Variants in CLEC2D observed in about 807,000 individuals in gnomAD.
CLEC2D encodes the protein C-type lectin related f.
Under a neutral mutation model 20.0 loss-of-function variants are expected in CLEC2D, and 16 were observed. That is an observed-to-expected ratio of 0.80 (90% confidence interval 0.54 to 1.22). CLEC2D has a LOEUF of 1.22. Ranked by LOEUF, CLEC2D falls within the 50% of genes most tolerant of loss-of-function variation. CLEC2D has a pLI of 0.00. For missense variants in CLEC2D, 207 were observed against 221.5 expected (o/e 0.93, Z 0.42); for synonymous variants, 77 against 71.1 (o/e 1.08, Z -0.42).
chr12:9,675,060 A>G (rs1243572240), intron 1 of CLEC2D, among the ~76,000 whole-genome samples: 1 of 152,196 alleles, frequency 6.6e-6, no homozygotes, highest in Non-Finnish European at 1.5e-5. Context: ...TTAGTTGAAA[A>G]GACTGTCTTT....
intron 1 of CLEC2D, among the ~76,000 whole-genome samples, chr12:9,675,839 A>C (rs1389803744): frequency 6.6e-6 from 1 of 152,200 alleles, no homozygotes; most frequent in South Asian, 2.1e-4. Context: ...TTTTCCACAT[A>C]TAGATTTTGT....
At chr12:9,686,301 T>C (rs1411177766) in intron 2 of CLEC2D, among the ~76,000 whole-genome samples, 1 of 152,028 alleles carries the variant, frequency 6.6e-6, no homozygotes, top group East Asian at 1.9e-4. Context: ...ATCAGCCATC[T>C]TGCCCTCTCT....
At chr12:9,680,120 G>A (rs1177062882) in intron 1 of CLEC2D, 4 of 181,868 alleles carry the variant, frequency 2.2e-5, no homozygotes, top group East Asian at 3.2e-4. Flanking sequence ...CCCTCGTGCT[G>A]TTCTTGTGAT....
chr12:9,684,458 C>G (rs1413048678), intron 2 of CLEC2D, among the ~76,000 whole-genome samples: 1 of 152,154 alleles, frequency 6.6e-6, no homozygotes, highest in East Asian at 1.9e-4. Context: ...TGCCTTGTGC[C>G]AGTTTACAAA....
intron 1 of CLEC2D, among the ~76,000 whole-genome samples, chr12:9,678,879 T>G (rs1380584619): frequency 6.6e-6 from 1 of 152,186 alleles, no homozygotes; most frequent in East Asian, 1.9e-4. Context: ...AGTTTTTAAC[T>G]TAGCATTTAT....
chr12:9,690,285 G>A (rs1865836336), intron 3 of CLEC2D, among the ~76,000 whole-genome samples: 1 of 151,964 alleles, frequency 6.6e-6, no homozygotes. Flanking sequence ...AAGAATGAAG[G>A]AAAAAGTAAC....
chr12:9,671,382 G>A (rs779189914), intron 1 of CLEC2D, among the ~76,000 whole-genome samples: 5 of 152,194 alleles, frequency 3.3e-5, no homozygotes, highest in South Asian at 2.1e-4. Flanking sequence ...CACCACGCCC[G>A]GCTACTTTTT....
chr12:9,674,742 A>G (rs1475102031), intron 1 of CLEC2D, among the ~76,000 whole-genome samples: 2 of 152,324 alleles, frequency 1.3e-5, no homozygotes, highest in Non-Finnish European at 1.5e-5. Flanking sequence ...CTCAAAAGAC[A>G]TATGATATTA....
In CLEC2D at chr12:9,695,536, G is replaced by A. The variant is rs1218948728; in HGVS notation, c.*662G>A. On this transcript the variant is annotated 3_prime_UTR_variant, in exon 5 of 5. Transcript: ENST00000290855. ...TTTAAGAACGGTCAGCTCAGGGGCT[G>A]GTGCAAAGGATGAACTGCACATTGT... 1.6e-6 allele frequency: 2 copies of A among 1,272,618 alleles called. No individual in the cohort carries two copies. The highest frequency in any genetic ancestry group is 2.3e-6 in the Non-Finnish European group (2 of 885,022). The allele number at this position is 1,272,618 out of a possible 1,614,324, so 78.8% of individuals were successfully genotyped here.
chr12:9,672,392 T>C (rs11052311), intron 1 of CLEC2D, among the ~76,000 whole-genome samples: 9,538 of 152,292 alleles, frequency 0.063, 332 homozygotes, highest in Non-Finnish European at 0.084. Context: ...TCACCAGCAG[T>C]ACATTTATTA....
chr12:9,681,332 C>T lies in CLEC2D; in HGVS notation c.172+299C>T, dbSNP rs1865631160. Among the ~76,000 whole-genome samples, 9 of 151,962 alleles carry T rather than the reference C, an allele frequency of 5.9e-5. No homozygotes were observed. The South Asian group carries it at 1.0e-3, about 17-fold the overall frequency. On this transcript the variant is annotated intron_variant, in intron 2 of 4. Coordinates refer to ENST00000290855, the MANE Select transcript of CLEC2D (RefSeq NM_013269.6). Reference sequence around the variant, plus strand: ...GTAAACTGAAAAATAGTCTCTTGTCCGATCTAGGAACATGGTTAATTTTAC... The same window carrying T: ...GTAAACTGAAAAATAGTCTCTTGTCTGATCTAGGAACATGGTTAATTTTAC...
At chr12:9,673,252 G>A (rs1044071947) in intron 1 of CLEC2D, among the ~76,000 whole-genome samples, 2 of 152,186 alleles carry the variant, frequency 1.3e-5, no homozygotes, top group Admixed American at 6.5e-5. Flanking sequence ...GGTTTTTGTG[G>A]AGTCTTTTTT....
intron 3 of CLEC2D, among the ~76,000 whole-genome samples, chr12:9,689,167 C>G (rs1369146716): frequency 6.6e-6 from 1 of 152,120 alleles, no homozygotes; most frequent in Non-Finnish European, 1.5e-5. Flanking sequence ...AGTGGCTTCC[C>G]AAGGATTTAA....
chr12:9,689,672 G>A (rs1484366836), intron 3 of CLEC2D, among the ~76,000 whole-genome samples: 1 of 151,840 alleles, frequency 6.6e-6, no homozygotes, highest in African/African-American at 2.4e-5. Context: ...TTGTAAAAAA[G>A]AACCAAGCAA....
chr12:9,690,800 C>A (rs1243726425), intron 3 of CLEC2D, among the ~76,000 whole-genome samples: 1 of 151,532 alleles, frequency 6.6e-6, no homozygotes, highest in Non-Finnish European at 1.5e-5. Flanking sequence ...TATAAAAAAC[C>A]AATTAAATAC....
intron 1 of CLEC2D, among the ~76,000 whole-genome samples, chr12:9,673,373 G>A (rs6488109): frequency 0.85 from 129,879 of 152,264 alleles, 56,034 homozygotes; most frequent in East Asian, 0.97. Flanking sequence ...CCCTGTTCAC[G>A]TGGGTATCAC....
Position 9,696,417 on chromosome 12 carries a change from C to A in CLEC2D, c.*1543C>A. On this transcript the variant is annotated 3_prime_UTR_variant, in exon 5 of 5. Transcript: ENST00000290855. ...GCCTGTTTAGTTTTTAAAGATGGAACTCCACCCTTTGCTTGGTTTTAAGTA... is the reference window on the plus strand; with the variant it reads ...GCCTGTTTAGTTTTTAAAGATGGAAATCCACCCTTTGCTTGGTTTTAAGTA... The A allele has an allele frequency of 2.1e-6, 1 of 468,310 alleles. No individual in the cohort carries two copies. The highest frequency in any genetic ancestry group is 3.9e-6 in the Non-Finnish European group (1 of 255,086). The allele number at this position is 468,310 out of a possible 1,614,324, so 29.0% of individuals were successfully genotyped here. A position where few individuals can be genotyped will look rare whatever the true frequency, so the allele number is the denominator to read the frequency against.
rs1327856546 is a variant in CLEC2D at position 9,688,221 on chromosome 12, C to T, written c.357+135C>T. The T allele has an allele frequency of 9.5e-6, 11 of 1,162,330 alleles. No individual in the cohort carries two copies. The East Asian group carries it at 1.6e-4, about 17-fold the overall frequency. 72.0% of individuals were successfully genotyped at this position (1,162,330 alleles called of 1,614,324 possible). ...TTTTTTTTTTTTTTTTTTTGCATAA[C>T]GAAAGAGTAACCTAGCATGTATTAT... On this transcript the variant is annotated intron_variant, in intron 3 of 4. Coordinates refer to ENST00000290855, the MANE Select transcript of CLEC2D (RefSeq NM_013269.6).
rs142101421 is a variant in CLEC2D at position 9,694,863 on chromosome 12, A to G, written c.565A>G (p.Ile189Val). The stretch of plus-strand genomic sequence containing the variant: ...GAAGTGGATTTGTTCCAAATCAGAT[A>G]TACATGTCTAGATGTTACAGCAAAG... ...ERKWICSKSD[I>V]HV is the part of the protein sequence containing the mutation. The change falls in exon 5 of 5, where the codon ATA (isoleucine) becomes GTA (valine). Residue 189 changes from isoleucine to valine, a missense_variant. By Grantham distance (29) the Ile-to-Val change is conservative. Coordinates refer to ENST00000290855, the MANE Select transcript of CLEC2D (RefSeq NM_013269.6). The G allele has an allele frequency of 7.0e-6, 11 of 1,571,038 alleles. No homozygotes were observed. Among genetic ancestry groups the G allele is most frequent in the Non-Finnish European group, 7.9e-6 (9 of 1,141,006 alleles).
Sources: gnomAD v4.1 joint callset for allele counts (sites outside exome capture counted in the v4.1 genomes callset) on GRCh38, gnomAD v4.1.1 for gene constraint, MANE v1.5 for transcripts, NCBI Gene and HGNC (gene_info 2026-07-23, HGNC 2026-07-21) for gene names.